Variants in STAC observed in about 807,000 individuals in gnomAD.
STAC encodes the protein SH3 and cysteine rich domain, also known as SH3 and cysteine-rich domain-containing protein.
STAC carries 43 observed loss-of-function variants against 48.8 expected under a neutral mutation model. The ratio of observed to expected loss-of-function variants is 0.88; its 90% CI spans 0.69 to 1.14. The LOEUF is 1.14. STAC is among the 50% of genes most tolerant of loss of function. The pLI, the probability that STAC is intolerant of heterozygous loss-of-function variation, is 0.00. For synonymous variants in STAC, 193 were observed against 179.5 expected, an observed-to-expected ratio of 1.07 and a Z score of -0.60; for missense variants, 497 against 504.0, an observed-to-expected ratio of 0.99 and a Z score of 0.13.
intron 1 of STAC, among the ~76,000 whole-genome samples, chr3:36,438,729 T>C (rs1316703135): frequency 1.3e-5 from 2 of 152,084 alleles, no homozygotes; most frequent in African/African-American, 4.8e-5. Context: ...TTGAACATCA[T>C]ACATAAACTT....
At chr3:36,410,272 A>G (rs934593377) in intron 1 of STAC, among the ~76,000 whole-genome samples, 2 of 152,180 alleles carry the variant, frequency 1.3e-5, no homozygotes, top group Non-Finnish European at 2.9e-5. Flanking sequence ...TTATCAGTGC[A>G]CGAGTGTTAA....
intron 10 of STAC, among the ~76,000 whole-genome samples, chr3:36,539,027 C>G (rs1411601854): frequency 2.0e-5 from 3 of 152,092 alleles, no homozygotes; most frequent in Non-Finnish European, 4.4e-5. Context: ...ACTTCTCTAT[C>G]TCTCTCTGAT....
rs888004091 is a variant in STAC, at chr3:36,384,079, C to T, written c.111+3325C>T. On this transcript the variant is annotated intron_variant, in intron 1 of 10. Coordinates refer to ENST00000273183, the MANE Select transcript of STAC (RefSeq NM_003149.3). ...CCTTCTATCTTCCCACTAACTATTT[C>T]AGAAAGATGACAGCCTAATTTATTT... Among the ~76,000 whole-genome samples, 19 of 152,296 alleles carry T rather than the reference C, an allele frequency of 1.2e-4. 1 individual carries two copies. The Middle Eastern group carries it at 0.01, about 82-fold the overall frequency.
intron 1 of STAC, among the ~76,000 whole-genome samples, chr3:36,428,967 GTT>G (rs1700628162): frequency 6.6e-6 from 1 of 152,204 alleles, no homozygotes; most frequent in Admixed American, 6.5e-5. Flanking sequence ...AATATATTCA[GTT>G]AGGGAGACCT....
intron 1 of STAC, among the ~76,000 whole-genome samples, chr3:36,387,872 T>C (rs979193570): frequency 6.6e-6 from 1 of 152,116 alleles, no homozygotes; most frequent in African/African-American, 2.4e-5. Context: ...TGCTGGATCA[T>C]CTGGTGATTC....
At chr3:36,474,188 T>C (rs1697427118) in intron 2 of STAC, among the ~76,000 whole-genome samples, 1 of 152,204 alleles carries the variant, frequency 6.6e-6, no homozygotes, top group Admixed American at 6.5e-5. Flanking sequence ...TTCACATTTG[T>C]CAACTATGAG....
intron 1 of STAC, among the ~76,000 whole-genome samples, chr3:36,439,788 C>A (rs1696285891): frequency 6.6e-6 from 1 of 152,134 alleles, no homozygotes; most frequent in South Asian, 2.1e-4. Flanking sequence ...TGTCTCATAG[C>A]CCCTTCTCAC....
intron 8 of STAC, among the ~76,000 whole-genome samples, chr3:36,525,576 C>A (rs1356076748): frequency 6.6e-6 from 1 of 152,180 alleles, no homozygotes; most frequent in Non-Finnish European, 1.5e-5. Flanking sequence ...GTACCTCCCC[C>A]AGCTTTATTC....
intron 6 of STAC, among the ~76,000 whole-genome samples, chr3:36,493,852 A>G (rs1698060334): frequency 6.6e-6 from 1 of 152,136 alleles, no homozygotes; most frequent in South Asian, 2.1e-4. Flanking sequence ...TGCTGACATT[A>G]AGAAAGAGCC....
chr3:36,480,352 G>A (rs573620107), intron 2 of STAC, among the ~76,000 whole-genome samples: 23 of 152,282 alleles, frequency 1.5e-4, no homozygotes, highest in Admixed American at 1.3e-3. Flanking sequence ...GTGTTTATGT[G>A]TCACTTCAAC....
intron 8 of STAC, among the ~76,000 whole-genome samples, chr3:36,519,349 T>G (rs1361444325): frequency 6.6e-6 from 1 of 152,186 alleles, no homozygotes; most frequent in Non-Finnish European, 1.5e-5. Flanking sequence ...AAATGTATGG[T>G]TCTTTTTTCT....
At chr3:36,540,636 C>T (rs1286268989) in intron 10 of STAC, among the ~76,000 whole-genome samples, 1 of 152,062 alleles carries the variant, frequency 6.6e-6, no homozygotes, top group East Asian at 1.9e-4. Context: ...TGAGGGTGGC[C>T]TCTAGAAGCT....
At chr3:36,382,131 C>T (rs989722132) in intron 1 of STAC, among the ~76,000 whole-genome samples, 1 of 152,206 alleles carries the variant, frequency 6.6e-6, no homozygotes, top group African/African-American at 2.4e-5. Flanking sequence ...CATACACATG[C>T]ACTACCTCTC....
Position 36,483,161 on chromosome 3 carries a change from AC to A in STAC, c.489+74del, listed in dbSNP as rs138713461. Reference sequence around the variant, plus strand: ...GGCACTTGCCTGCTGCAGTGAGATCACCCCCTCCAAAATCCTTCCCTGAAAC... The same window carrying A: ...GGCACTTGCCTGCTGCAGTGAGATCACCCCTCCAAAATCCTTCCCTGAAAC... On this transcript the variant is annotated intron_variant, in intron 3 of 10. Coordinates refer to ENST00000273183, the MANE Select transcript of STAC (RefSeq NM_003149.3). 3.8e-3 allele frequency: 4,675 copies of A among 1,216,078 alleles called. 135 individuals carry two copies. In the African/African-American group the frequency reaches 0.062, roughly 16 times the overall value. 75.3% of individuals were successfully genotyped at this position (1,216,078 alleles called of 1,614,324 possible).
intron 1 of STAC, among the ~76,000 whole-genome samples, chr3:36,436,675 T>C (rs1439887038): frequency 2.0e-5 from 3 of 152,168 alleles, no homozygotes; most frequent in Admixed American, 1.3e-4. Flanking sequence ...AGCCTTATTT[T>C]CCTTTGTACC....
chr3:36,470,522 T>C lies in STAC; in HGVS notation c.389-12470T>C, dbSNP rs913807447. ...TTGGTTATGTTTCTGTTTATTGCACTGGTTTTGTGTTGGTTGGCCTCCAGC... is the reference window on the plus strand; with the variant it reads ...TTGGTTATGTTTCTGTTTATTGCACCGGTTTTGTGTTGGTTGGCCTCCAGC... On this transcript the variant is annotated intron_variant, in intron 2 of 10. Transcript: ENST00000273183. Among the ~76,000 whole-genome samples, 5 of 152,236 alleles carry C rather than the reference T, an allele frequency of 3.3e-5. No homozygotes were observed. The East Asian group carries it at 7.7e-4, about 23-fold the overall frequency.
intron 1 of STAC, among the ~76,000 whole-genome samples, chr3:36,389,440 TC>T (rs1277019393): frequency 6.6e-6 from 1 of 152,082 alleles, no homozygotes; most frequent in Non-Finnish European, 1.5e-5. Context: ...CCTAATCACC[TC>T]CCAAAGCCCT....
chr3:36,445,816 G>A (rs939295318), intron 2 of STAC, among the ~76,000 whole-genome samples: 5 of 152,182 alleles, frequency 3.3e-5, no homozygotes, highest in African/African-American at 1.2e-4. Flanking sequence ...ACCAAAGGCT[G>A]TATAATGATA....
chr3:36,467,504 C>T (rs977804676), intron 2 of STAC, among the ~76,000 whole-genome samples: 1 of 151,824 alleles, frequency 6.6e-6, no homozygotes, highest in African/African-American at 2.4e-5. Context: ...TTTTTTGTTG[C>T]CATTTCAGTC....
Sources: allele counts gnomAD v4.1 joint callset (sites outside exome capture counted in the v4.1 genomes callset), GRCh38; gene constraint gnomAD v4.1.1; transcripts MANE v1.5; gene names NCBI Gene and HGNC (gene_info 2026-07-23, HGNC 2026-07-21).